GALNT18: variants seen among roughly 807,000 people sequenced by gnomAD.
The protein encoded by GALNT18 is polypeptide N-acetylgalactosaminyltransferase 18.
Under a neutral mutation model 69.5 loss-of-function variants are expected in GALNT18, and 44 were observed. That is an observed-to-expected ratio of 0.63 (90% CI 0.50 to 0.81). GALNT18 has a LOEUF of 0.81. Ranked by LOEUF, GALNT18 falls within the 40% of genes least tolerant of loss-of-function variation. GALNT18 has a pLI of 0.00. For missense variants in GALNT18, 715 were observed against 810.0 expected, an observed-to-expected ratio of 0.88 and a Z score of 1.42; for synonymous variants, 364 against 318.2, an observed-to-expected ratio of 1.14 and a Z score of -1.53.
rs905040087 is a variant in GALNT18 at position 11,604,336 on chromosome 11, G to A, written c.235+17023C>T. On this transcript the variant is annotated intron_variant, in intron 1 of 10. Transcript: ENST00000227756. This position sits in a 1 kb window ranked among gnomAD's most constrained non-coding sequence, Gnocchi z 5.6. ...CCATCAGTGGCACTGTGCTGACCACGCCATCCACACAGCTGGGTCTCAGTT... is the reference window on the plus strand; with the variant it reads ...CCATCAGTGGCACTGTGCTGACCACACCATCCACACAGCTGGGTCTCAGTT... Among the ~76,000 whole-genome samples, 11 of 152,154 alleles carry A rather than the reference G, an allele frequency of 7.2e-5. No individual in the cohort carries two copies. In the South Asian group the frequency reaches 8.3e-4, roughly 11 times the overall value.
At position 11,284,911 on chromosome 11, in the gene GALNT18, T is replaced by G. The variant is rs1385327778; in HGVS notation, c.1677+8118A>C. ...ATTTACTAGTAAAGACTTTCGTGTT[T>G]TTTTTTTTTTTTTTTTTTTAACTAC... On this transcript the variant is annotated intron_variant, in intron 10 of 10. Transcript: ENST00000227756. Among the ~76,000 whole-genome samples, 12 of 75,218 alleles carry G rather than the reference T, an allele frequency of 1.6e-4. No homozygotes were observed. The South Asian group carries it at 7.1e-3, about 44-fold the overall frequency. 49.3% of individuals were successfully genotyped at this position (75,218 alleles called of 152,430 possible).
rs768144097 is a variant in GALNT18 at position 11,448,764 on chromosome 11, C to T, written c.408G>A (p.Leu136=). 2 of 1,612,058 alleles carry T rather than the reference C, an allele frequency of 1.2e-6. No homozygotes were observed. Among genetic ancestry groups the T allele is most frequent in the Non-Finnish European group, 8.5e-7 (1 of 1,179,284 alleles). ...LSDRLPLDRP[L]PDLRPSGCRN... ...CTCACCCACTGGGTCTGAGGTCAGG[C>T]AGGGGCCGGTCCAGGGGCAGGCGGT... The change falls in exon 2 of 11, where the codon CTG becomes CTA. Residue 136 remains leucine (L), a synonymous_variant. Transcript: ENST00000227756.
At chr11:11,297,560 C>T (rs1025868090) in intron 9 of GALNT18, among the ~76,000 whole-genome samples, 3 of 152,066 alleles carry the variant, frequency 2.0e-5, no homozygotes, top group South Asian at 2.1e-4. Flanking sequence ...CAGGGGGAGC[C>T]GGGAGAGGAC....
In GALNT18 at chr11:11,415,154, C is replaced by T. The variant is rs537337686; in HGVS notation, c.595+17467G>A. Among the ~76,000 whole-genome samples the T allele has an allele frequency of 7.7e-4, 117 of 152,344 alleles. No individual in the cohort carries two copies. Among genetic ancestry groups the T allele is most frequent in the African/African-American group, 2.6e-3 (110 of 41,574 alleles). On this transcript the variant is annotated intron_variant, in intron 3 of 10. Transcript: ENST00000227756. This position sits in a 1 kb window ranked among gnomAD's most constrained non-coding sequence, Gnocchi z 4.1. ...CCAGAGTACATCTCTGTGACTTCCC[C>T]TTCTGCCATCAGCTAGAGAACACTC...
At chr11:11,516,020 C>T (rs1030959432) in intron 1 of GALNT18, among the ~76,000 whole-genome samples, 3 of 152,198 alleles carry the variant, frequency 2.0e-5, no homozygotes, top group African/African-American at 2.4e-5. Context: ...CTGGGATAAA[C>T]AGCAGGGAAG....
intron 1 of GALNT18, among the ~76,000 whole-genome samples, chr11:11,450,359 C>T (rs887873752): frequency 5.3e-5 from 8 of 152,110 alleles, no homozygotes; most frequent in African/African-American, 1.7e-4. Context: ...CCTCCTCATG[C>T]GATGCTCTCC....
rs981646638 is a variant in GALNT18 at position 11,620,141 on chromosome 11, G to A, written c.235+1218C>T. Among the ~76,000 whole-genome samples the A allele has an allele frequency of 6.6e-6, 1 of 151,888 alleles. No individual in the cohort carries two copies. The highest frequency in any genetic ancestry group is 2.1e-4 in the South Asian group (1 of 4,802). On this transcript the variant is annotated intron_variant, in intron 1 of 10. Transcript: ENST00000227756. The surrounding 1 kb of genome is among the most constrained non-coding windows in gnomAD (Gnocchi z 6.9). Reference sequence around the variant, plus strand: ...CAAAAGGGAGTGCTCCTGGCGGGGGGGTGGGGGGTAAGCCTTCAGTTCAAT... The same window carrying A: ...CAAAAGGGAGTGCTCCTGGCGGGGGAGTGGGGGGTAAGCCTTCAGTTCAAT...
intron 9 of GALNT18, among the ~76,000 whole-genome samples, chr11:11,305,415 A>G (rs1341257610): frequency 1.3e-5 from 2 of 152,210 alleles, no homozygotes; most frequent in East Asian, 3.8e-4. Flanking sequence ...AATCACACCA[A>G]AATAGAACTT....
rs992495179 is a variant in GALNT18, at chr11:11,432,113, G to A, written c.595+508C>T. Among the ~76,000 whole-genome samples the A allele has an allele frequency of 1.3e-5, 2 of 152,226 alleles. No homozygotes were observed. Among genetic ancestry groups the A allele is most frequent in the Non-Finnish European group, 1.5e-5 (1 of 68,028 alleles). ...AACAGGGGATCCAGCAAAGAGGCTA[G>A]ACATTCAACAAGTCTGTTGCTGTCA... is the stretch of plus-strand genomic sequence containing the variant. On this transcript the variant is annotated intron_variant, in intron 3 of 10. Transcript: ENST00000227756. The surrounding 1 kb of genome is among the most constrained non-coding windows in gnomAD (Gnocchi z 5.8).
chr11:11,594,508 C>T (rs1302203037), intron 1 of GALNT18, among the ~76,000 whole-genome samples: 1 of 152,122 alleles, frequency 6.6e-6, no homozygotes, highest in African/African-American at 2.4e-5. Flanking sequence ...CCTAGGCAAC[C>T]TCTAATCTAC....
intron 1 of GALNT18, among the ~76,000 whole-genome samples, chr11:11,593,008 C>T (rs943752026): frequency 3.9e-5 from 6 of 152,138 alleles, no homozygotes; most frequent in African/African-American, 9.7e-5. Flanking sequence ...CTGCGCCTCT[C>T]GGGTTCACGC....
chr11:11,446,014 G>T (rs1453073780), intron 2 of GALNT18, among the ~76,000 whole-genome samples: 1 of 152,196 alleles, frequency 6.6e-6, no homozygotes, highest in East Asian at 1.9e-4. Flanking sequence ...GCTCCCACAT[G>T]CGCTCTCATT....
chr11:11,345,472 A>T (rs1303407850), intron 6 of GALNT18, among the ~76,000 whole-genome samples: 1 of 152,212 alleles, frequency 6.6e-6, no homozygotes. Flanking sequence ...AAAGGAAGTC[A>T]CTGGCATTTG....
chr11:11,501,158 G>A (rs1043692292), intron 1 of GALNT18, among the ~76,000 whole-genome samples: 9 of 152,160 alleles, frequency 5.9e-5, no homozygotes, highest in African/African-American at 1.7e-4. Context: ...ATATTCAGAA[G>A]GTAAAAGTCA....
intron 8 of GALNT18, 146 bp from the exon 9 acceptor site, chr11:11,327,327 G>T: frequency 1.6e-6 from 1 of 640,008 alleles, no homozygotes; most frequent in Non-Finnish European, 2.8e-6. Flanking sequence ...GAACCAACAA[G>T]CACCAGCTTT....
At position 11,582,645 on chromosome 11, in the gene GALNT18, A is replaced by G. The variant is rs4243939; in HGVS notation, c.235+38714T>C. 0.96 allele frequency among the ~76,000 whole-genome samples: 145,927 copies of G among 152,334 alleles called. 69,932 individuals carry two copies. The highest frequency in any genetic ancestry group is 0.99 in the South Asian group (4,789 of 4,828). On this transcript the variant is annotated intron_variant, in intron 1 of 10. Coordinates refer to ENST00000227756, the MANE Select transcript of GALNT18 (RefSeq NM_198516.3). This position sits in a 1 kb window ranked among gnomAD's most constrained non-coding sequence, Gnocchi z 5.0. The stretch of plus-strand genomic sequence containing the variant: ...GTGTGAAGCAGCGCAGACTTTCAGT[A>G]TGCAGTAGAAATACACATTGAGGGC...
chr11:11,344,973 T>C (rs1850278113), intron 6 of GALNT18, among the ~76,000 whole-genome samples: 1 of 152,180 alleles, frequency 6.6e-6, no homozygotes, highest in African/African-American at 2.4e-5. Flanking sequence ...TCTGTGTGTG[T>C]GCCTATTATT....
rs1268885716 is a variant in GALNT18 at position 11,300,012 on chromosome 11, A to G, written c.1513-6819T>C. Among the ~76,000 whole-genome samples the G allele has an allele frequency of 2.0e-5, 3 of 152,356 alleles. No individual in the cohort carries two copies. The East Asian group carries it at 5.8e-4, about 29-fold the overall frequency. On this transcript the variant is annotated intron_variant, in intron 9 of 10. Transcript: ENST00000227756. Reference sequence around the variant, plus strand: ...AAACAAAGACTGAGATGCAAAAATCATGGGATGGGCAGAGGGAGAGTCAAG... The same window carrying G: ...AAACAAAGACTGAGATGCAAAAATCGTGGGATGGGCAGAGGGAGAGTCAAG...
rs144088929 is a variant in GALNT18 at position 11,274,130 on chromosome 11, C to T, written c.1678-2840G>A. The stretch of plus-strand genomic sequence containing the variant: ...CAAGGAAAGCTGTGAGAGAGTGTAC[C>T]GGGAGGAACAGTGCACTCCGGCTCA... On this transcript the variant is annotated intron_variant, in intron 10 of 10. Transcript: ENST00000227756. 3.9e-5 allele frequency among the ~76,000 whole-genome samples: 6 copies of T among 152,152 alleles called. No individual in the cohort carries two copies. The East Asian group carries it at 7.8e-4, about 20-fold the overall frequency.
Sources: gnomAD v4.1 joint callset for allele counts (sites outside exome capture counted in the v4.1 genomes callset) on GRCh38, gnomAD v4.1.1 for gene constraint, Gnocchi (gnomAD v3.1) non-coding constraint, MANE v1.5 for transcripts, NCBI Gene and HGNC (gene_info 2026-07-23, HGNC 2026-07-21) for gene names.